Variants in MAGI2 observed in about 807,000 individuals in gnomAD.
MAGI2 encodes membrane-associated guanylate kinase, WW and PDZ domain-containing protein 2.
In MAGI2, 35 loss-of-function variants were observed where a neutral mutation model predicts 133.3. That is an observed-to-expected ratio of 0.26 (90% CI 0.20 to 0.35). The LOEUF is 0.35. Ranked by LOEUF, MAGI2 falls within the 10% of genes least tolerant of loss-of-function variation. MAGI2 has a pLI of 1.00. For synonymous variants in MAGI2, 729 were observed against 710.6 expected, an observed-to-expected ratio of 1.03 and a Z score of -0.41; for missense variants, 1,636 against 1,863.4, an observed-to-expected ratio of 0.88 and a Z score of 2.25.
chr7:78,852,210 A>G (rs1793202276), intron 2 of MAGI2, among the ~76,000 whole-genome samples: 1 of 152,044 alleles, frequency 6.6e-6, no homozygotes, highest in African/African-American at 2.4e-5. Context: ...CTTTTCTTCA[A>G]TGAAATCTAT....
In MAGI2 at chr7:78,219,095, C is replaced by T. The variant is rs563559462; in HGVS notation, c.2048-17902G>A. Among the ~76,000 whole-genome samples, 22 of 152,266 alleles carry T rather than the reference C, an allele frequency of 1.4e-4. 1 individual carries two copies. In the South Asian group the frequency reaches 3.5e-3, roughly 24 times the overall value. ...TGATGACTAATGTTTTACAGAGGAT[C>T]GTGGAGAACGTGCCTCGTCTACCTT... On this transcript the variant is annotated intron_variant, in intron 10 of 21. Coordinates refer to ENST00000354212, the MANE Select transcript of MAGI2 (RefSeq NM_012301.4).
chr7:79,442,885 T>C (rs1848583172), intron 1 of MAGI2, among the ~76,000 whole-genome samples: 1 of 152,128 alleles, frequency 6.6e-6, no homozygotes, highest in South Asian at 2.1e-4. Flanking sequence ...ATACTTGCTA[T>C]GTTTTGAAGA....
chr7:79,423,580 A>T lies in MAGI2; in HGVS notation c.301+29440T>A, dbSNP rs184766096. ...GAGACGAGTCTTTCAATAAATAATT[A>T]AAAAATTATTTTAAAATATTTAAAA... On this transcript the variant is annotated intron_variant, in intron 1 of 21. Coordinates refer to ENST00000354212, the MANE Select transcript of MAGI2 (RefSeq NM_012301.4). Among the ~76,000 whole-genome samples the T allele has an allele frequency of 3.8e-4, 58 of 152,216 alleles. 1 individual carries two copies. Among genetic ancestry groups the T allele is most frequent in the Admixed American group, 2.4e-3 (37 of 15,284 alleles).
chr7:78,624,917 A>G (rs1808176041), intron 3 of MAGI2, among the ~76,000 whole-genome samples: 1 of 152,110 alleles, frequency 6.6e-6, no homozygotes, highest in Admixed American at 6.6e-5. Flanking sequence ...CCTTCTACTT[A>G]TTAAAAAACG....
At chr7:78,977,996 T>C (rs1584558915) in intron 2 of MAGI2, among the ~76,000 whole-genome samples, 1 of 151,680 alleles carries the variant, frequency 6.6e-6, no homozygotes, top group African/African-American at 2.4e-5. Flanking sequence ...ACTATTAGAA[T>C]GGCTAAAATT....
At chr7:78,904,895 T>C (rs1352476837) in intron 2 of MAGI2, among the ~76,000 whole-genome samples, 1 of 152,242 alleles carries the variant, frequency 6.6e-6, no homozygotes, top group Non-Finnish European at 1.5e-5. Flanking sequence ...TTCAGTTCGA[T>C]GGCACAAAGC....
At chr7:79,127,435 A>C (rs1489008084) in intron 1 of MAGI2, among the ~76,000 whole-genome samples, 1 of 151,916 alleles carries the variant, frequency 6.6e-6, no homozygotes, top group African/African-American at 2.4e-5. Context: ...AAGTGTTCCT[A>C]TTTCTCCACA....
At chr7:78,440,045 T>TAA (rs1401062133) in intron 6 of MAGI2, among the ~76,000 whole-genome samples, 1 of 151,954 alleles carries the variant, frequency 6.6e-6, no homozygotes, top group Non-Finnish European at 1.5e-5. Context: ...CATATATATA[T>TAA]AATGGCTCCC....
chr7:79,326,175 A>C (rs1331432706), intron 1 of MAGI2, among the ~76,000 whole-genome samples: 1 of 110,256 alleles, frequency 9.1e-6, no homozygotes, highest in Non-Finnish European at 1.8e-5. Flanking sequence ...AAGATGGTGA[A>C]CAAAGTATAT....
At chr7:78,236,045 CTGAG>C (rs1790506767) in intron 10 of MAGI2, among the ~76,000 whole-genome samples, 1 of 83,490 alleles carries the variant, frequency 1.2e-5, no homozygotes, top group Non-Finnish European at 2.4e-5. Flanking sequence ...TTTTTTTTTT[CTGAG>C]TGAGGGCACT....
chr7:78,239,838 A>G (rs1356187940), intron 10 of MAGI2, among the ~76,000 whole-genome samples: 1 of 152,242 alleles, frequency 6.6e-6, no homozygotes, highest in Non-Finnish European at 1.5e-5. Flanking sequence ...CATTATGGAA[A>G]ACAGCATGGA....
chr7:78,525,949 G>A (rs1051856069), intron 3 of MAGI2, among the ~76,000 whole-genome samples: 1 of 152,122 alleles, frequency 6.6e-6, no homozygotes, highest in African/African-American at 2.4e-5. Flanking sequence ...ATACTAAAAG[G>A]ATATATGACG....
At chr7:78,762,513 T>A (rs1038965417) in intron 2 of MAGI2, among the ~76,000 whole-genome samples, 1 of 152,090 alleles carries the variant, frequency 6.6e-6, no homozygotes, top group Admixed American at 6.6e-5. Context: ...ATAGAAATTT[T>A]GAATCATTTA....
At chr7:79,403,364 T>A (rs1161746986) in intron 1 of MAGI2, among the ~76,000 whole-genome samples, 2 of 152,174 alleles carry the variant, frequency 1.3e-5, no homozygotes, top group African/African-American at 4.8e-5. Context: ...GTTTTTTGAA[T>A]ACATGACAAT....
intron 9 of MAGI2, among the ~76,000 whole-genome samples, chr7:78,263,862 T>A (rs1368543471): frequency 6.6e-6 from 1 of 152,168 alleles, no homozygotes; most frequent in Non-Finnish European, 1.5e-5. Context: ...TTTTCCAACC[T>A]ACTCTATGCT....
chr7:78,623,287 C>T (rs1807944806), intron 3 of MAGI2, among the ~76,000 whole-genome samples: 1 of 149,816 alleles, frequency 6.7e-6, no homozygotes, highest in Non-Finnish European at 1.5e-5. Flanking sequence ...TTCATTCTTA[C>T]ATAAGTGATA....
intron 21 of MAGI2, among the ~76,000 whole-genome samples, chr7:78,065,332 GCTTC>G (rs1371764109): frequency 2.0e-5 from 3 of 152,154 alleles, no homozygotes; most frequent in Non-Finnish European, 4.4e-5. Flanking sequence ...TTCTCTACCT[GCTTC>G]CTTCCTGCTG....
Position 78,318,089 on chromosome 7 carries a change from C to A in MAGI2, c.1408+25689G>T, listed in dbSNP as rs798295. The stretch of plus-strand genomic sequence containing the variant: ...TCCTCCAAAGGATCACAACTCCTCA[C>A]CAGCAAGGGAACAAAACTGGACAGA... On this transcript the variant is annotated intron_variant, in intron 9 of 21. Transcript: ENST00000354212. Among the ~76,000 whole-genome samples the A allele has an allele frequency of 5.9e-5, 9 of 152,052 alleles. No homozygotes were observed. The East Asian group carries it at 1.2e-3, about 20-fold the overall frequency.
intron 9 of MAGI2, among the ~76,000 whole-genome samples, chr7:78,341,227 T>C (rs1353958256): frequency 6.6e-6 from 1 of 151,946 alleles, no homozygotes; most frequent in Non-Finnish European, 1.5e-5. Context: ...ACAAAGAGAA[T>C]AAAATACTAG....
Sources: allele counts gnomAD v4.1 joint callset (sites outside exome capture counted in the v4.1 genomes callset), GRCh38; gene constraint gnomAD v4.1.1; transcripts MANE v1.5; gene names NCBI Gene and HGNC (gene_info 2026-07-23, HGNC 2026-07-21).